The following SLC16A7 variants were observed in gnomAD, a reference collection of about 807,000 sequenced individuals.
SLC16A7 encodes monocarboxylate transporter 2.
SLC16A7 carries 33 observed loss-of-function variants against 34.9 expected under a neutral mutation model. The observed-to-expected ratio is 0.94, with a 90% CI of 0.72 to 1.26. The LOEUF (loss-of-function observed/expected upper bound fraction) is 1.26, where lower values mean the gene tolerates loss of function less well. Among genes scored for constraint, SLC16A7 ranks in the 50% most tolerant of loss-of-function variants. SLC16A7 has a pLI of 0.00. For synonymous variants in SLC16A7, 201 were observed against 206.6 expected (o/e 0.97, Z 0.23); for missense variants, 573 against 578.1 (o/e 0.99, Z 0.09).
intron 2 of SLC16A7, among the ~76,000 whole-genome samples, chr12:59,680,382 C>T (rs1288899933): frequency 6.6e-6 from 1 of 152,122 alleles, no homozygotes; most frequent in Non-Finnish European, 1.5e-5. Flanking sequence ...GGAATTATGT[C>T]TAGTCTTATT....
At chr12:59,698,673 G>A (rs1475168729) in intron 2 of SLC16A7, among the ~76,000 whole-genome samples, 3 of 151,702 alleles carry the variant, frequency 2.0e-5, no homozygotes, top group South Asian at 4.1e-4. Flanking sequence ...ATATTTTCTG[G>A]TAAGATGAAG....
intron 2 of SLC16A7, among the ~76,000 whole-genome samples, chr12:59,661,311 G>C (rs1167368784): frequency 6.6e-6 from 1 of 152,074 alleles, no homozygotes; most frequent in Non-Finnish European, 1.5e-5. Context: ...AAAGAAGATA[G>C]ATTTAACTTC....
chr12:59,602,884 A>G (rs369490065), intron 1 of SLC16A7, among the ~76,000 whole-genome samples: 1 of 152,154 alleles, frequency 6.6e-6, no homozygotes, highest in East Asian at 1.9e-4. Flanking sequence ...CATTTGCTGT[A>G]GTCCTGACCT....
intron 2 of SLC16A7, among the ~76,000 whole-genome samples, chr12:59,701,609 G>A (rs941260835): frequency 1.3e-5 from 2 of 150,370 alleles, no homozygotes; most frequent in African/African-American, 4.9e-5. Context: ...TTAAATGCTG[G>A]GAAAATTCTA....
chr12:59,755,295 G>A (rs1248212257), intron 3 of SLC16A7, among the ~76,000 whole-genome samples: 2 of 152,096 alleles, frequency 1.3e-5, no homozygotes, highest in African/African-American at 4.8e-5. Context: ...TATTCAATTA[G>A]GAAAAGAGGA....
chr12:59,629,634 T>C (rs1479015591), intron 1 of SLC16A7, among the ~76,000 whole-genome samples: 2 of 152,006 alleles, frequency 1.3e-5, no homozygotes, highest in East Asian at 3.9e-4. Flanking sequence ...ATAAAGCACT[T>C]AAGAGGATGT....
chr12:59,620,693 A>G (rs531106835), intron 1 of SLC16A7, among the ~76,000 whole-genome samples: 2 of 152,064 alleles, frequency 1.3e-5, no homozygotes, highest in Non-Finnish European at 2.9e-5. Context: ...GAGCCTGTGT[A>G]GCAGAGGAGG....
intron 1 of SLC16A7, among the ~76,000 whole-genome samples, chr12:59,636,345 T>G (rs1405805926): frequency 6.6e-6 from 1 of 152,196 alleles, no homozygotes; most frequent in Non-Finnish European, 1.5e-5. Context: ...TTCTCTTTTT[T>G]TCTAATGTAT....
At chr12:59,627,289 TA>T (rs1221460586) in intron 1 of SLC16A7, among the ~76,000 whole-genome samples, 2 of 151,876 alleles carry the variant, frequency 1.3e-5, no homozygotes, top group African/African-American at 2.4e-5. Flanking sequence ...TGCACTTATT[TA>T]GAAAAAGTAA....
At chr12:59,597,009 G>C (rs1445087998) in intron 1 of SLC16A7, 1 of 152,356 alleles carries the variant, frequency 6.6e-6, no homozygotes, top group Non-Finnish European at 1.5e-5. Context: ...GCCCGGTCAG[G>C]TGGCGCCACA....
chr12:59,736,181 G>T (rs1175986696), intron 3 of SLC16A7, among the ~76,000 whole-genome samples: 1 of 152,128 alleles, frequency 6.6e-6, no homozygotes, highest in Non-Finnish European at 1.5e-5. Flanking sequence ...GTTTGAGCTG[G>T]ATCTTAAAGA....
At chr12:59,703,568 CA>C (rs1873141171) in intron 2 of SLC16A7, among the ~76,000 whole-genome samples, 3 of 152,020 alleles carry the variant, frequency 2.0e-5, no homozygotes, top group Admixed American at 2.0e-4. Flanking sequence ...ATTTTCTGTA[CA>C]AATCATTGTG....
At chr12:59,646,591 G>A in intron 1 of SLC16A7, among the ~76,000 whole-genome samples, 1 of 152,148 alleles carries the variant, frequency 6.6e-6, no homozygotes, top group East Asian at 1.9e-4. Flanking sequence ...AGGTGAATGT[G>A]TGGTTGGAAG....
At chr12:59,634,728 T>C (rs1348143552) in intron 1 of SLC16A7, among the ~76,000 whole-genome samples, 1 of 152,038 alleles carries the variant, frequency 6.6e-6, no homozygotes, top group Non-Finnish European at 1.5e-5. Flanking sequence ...CAGATGGGCC[T>C]TGAAGAAGGC....
In SLC16A7 at chr12:59,783,610, C is replaced by A. The variant is rs1044348135; in HGVS notation, c.*3931C>A. On this transcript the variant is annotated 3_prime_UTR_variant, in exon 6 of 6. Coordinates refer to ENST00000547379, the MANE Select transcript of SLC16A7 (RefSeq NM_001270623.2). ...GATTTATTTAGTGTTTATTAGAGAA[C>A]TGCATTTGCTAGAACCTGAATATGT... 2.0e-5 allele frequency: 3 copies of A among 151,062 alleles called. No homozygotes were observed. The highest frequency in any genetic ancestry group is 7.3e-5 in the African/African-American group (3 of 41,246). The allele number at this position is 151,062 out of a possible 1,614,324, so 9.4% of individuals were successfully genotyped here.
chr12:59,656,033 T>A (rs1380508467), intron 2 of SLC16A7, among the ~76,000 whole-genome samples: 1 of 152,042 alleles, frequency 6.6e-6, no homozygotes, highest in Non-Finnish European at 1.5e-5. Flanking sequence ...TGCATTAGAT[T>A]GCTACGTATT....
intron 2 of SLC16A7, among the ~76,000 whole-genome samples, chr12:59,659,410 C>T (rs774719305): frequency 7.3e-4 from 111 of 152,128 alleles, no homozygotes; most frequent in Non-Finnish European, 1.3e-3. Flanking sequence ...CATCCTCCTC[C>T]TAGCTTCCCA....
At chr12:59,771,602 A>G (rs1235367861) in intron 4 of SLC16A7, among the ~76,000 whole-genome samples, 1 of 152,208 alleles carries the variant, frequency 6.6e-6, no homozygotes, top group Non-Finnish European at 1.5e-5. Context: ...ATTTAAAAAG[A>G]AAACAGCTTT....
intron 1 of SLC16A7, among the ~76,000 whole-genome samples, chr12:59,646,498 G>T (rs1468151450): frequency 6.6e-6 from 1 of 152,202 alleles, no homozygotes; most frequent in Non-Finnish European, 1.5e-5. Flanking sequence ...AGGATGTATG[G>T]AAATGCCTTG....
Sources: gnomAD v4.1 joint callset for allele counts (sites outside exome capture counted in the v4.1 genomes callset) on GRCh38, gnomAD v4.1.1 for gene constraint, MANE v1.5 for transcripts, NCBI Gene and HGNC (gene_info 2026-07-23, HGNC 2026-07-21) for gene names.